The following RAP1GAP2 variants were observed in gnomAD, a reference collection of about 807,000 sequenced individuals.
RAP1GAP2 encodes RAP1 GTPase activating protein 2.
Under a neutral mutation model 95.0 loss-of-function variants are expected in RAP1GAP2, and 27 were observed. The ratio of observed to expected loss-of-function variants is 0.28; its 90% CI spans 0.21 to 0.39. RAP1GAP2 has a LOEUF of 0.39. Ranked by LOEUF, RAP1GAP2 falls within the 10% of genes least tolerant of loss-of-function variation. RAP1GAP2 has a pLI of 1.00. For missense variants in RAP1GAP2, 771 were observed against 970.0 expected (o/e 0.79, Z 2.72); for synonymous variants, 373 against 380.9 (o/e 0.98, Z 0.24).
chr17:2,905,225 G>A, intron 2 of RAP1GAP2, 59 bp from the exon 3 acceptor site: 1 of 1,498,822 alleles, frequency 6.7e-7, no homozygotes, highest in Non-Finnish European at 9.3e-7. Context: ...AGTCACTCTT[G>A]GAGGAGAGAA....
rs1555545938 is a variant in RAP1GAP2 at position 2,810,018 on chromosome 17, CCT to C, written c.80+9470_80+9471del. 2.2e-4 allele frequency among the ~76,000 whole-genome samples: 7 copies of C among 31,762 alleles called. 1 individual carries two copies. The highest frequency in any genetic ancestry group is 1.2e-3 in the African/African-American group (5 of 4,322). The allele number at this position is 31,762 out of a possible 152,430, so 20.8% of individuals were successfully genotyped here. On this transcript the variant is annotated intron_variant, in intron 2 of 24. Transcript: ENST00000254695. The stretch of plus-strand genomic sequence containing the variant: ...TGGCCCCTCTGGCTTGTGCTGGGAC[CCT>C]CCCCTCCCCCCGCCCCACCCCAGGA...
chr17:2,965,277 G>A lies in RAP1GAP2; in HGVS notation c.493-263G>A, dbSNP rs907396761. 4.1e-6 allele frequency: 2 copies of A among 489,576 alleles called. No homozygotes were observed. The highest frequency in any genetic ancestry group is 3.9e-5 in the African/African-American group (2 of 51,692). 30.3% of individuals were successfully genotyped at this position (489,576 alleles called of 1,614,324 possible). A position where few individuals can be genotyped will look rare whatever the true frequency, so the allele number is the denominator to read the frequency against. ...CCCCCGACCATTGGTTTTCCCATCT[G>A]TGAAATGGGGATGATGTTCTCTCCC... On this transcript the variant is annotated intron_variant, in intron 7 of 24. Coordinates refer to ENST00000254695, the MANE Select transcript of RAP1GAP2 (RefSeq NM_015085.5). This position sits in a 1 kb window ranked among gnomAD's most constrained non-coding sequence, Gnocchi z 4.7.
chr17:3,006,583 G>T (rs571451622), intron 16 of RAP1GAP2, among the ~76,000 whole-genome samples: 2 of 151,734 alleles, frequency 1.3e-5, no homozygotes, highest in Non-Finnish European at 2.9e-5. Context: ...ACAGGCGCCC[G>T]CCACCACGCC....
rs1174208640 is a variant in RAP1GAP2, at chr17:2,800,535, C to T, written c.65C>T (p.Ala22Val). The T allele has an allele frequency of 1.2e-5, 20 of 1,612,816 alleles. No individual in the cohort carries two copies. The highest frequency in any genetic ancestry group is 1.6e-5 in the Non-Finnish European group (19 of 1,179,480). Residue 22 changes from alanine (A) to valine (V), a missense_variant, in exon 2 of 25, where the codon GCA (alanine) becomes GTA (valine). Transcript: ENST00000254695. ...GFGWIDKTMLASLKVKKQELA... is the reference protein window; with the variant it reads ...GFGWIDKTMLVSLKVKKQELA... The stretch of plus-strand genomic sequence containing the variant: ...GGCAGGATCGACAAGACCATGCTGG[C>T]AAGTCTGAAGGTCAAGTAAGTAGCA...
chr17:2,816,982 CTTTT>C (rs148255771), intron 2 of RAP1GAP2, among the ~76,000 whole-genome samples: 2 of 48,666 alleles, frequency 4.1e-5, no homozygotes, highest in African/African-American at 1.5e-4. Context: ...TCAGAATTTC[CTTTT>C]TTTTTTTTTT....
At chr17:2,773,253 G>A (rs1325504794), upstream of RAP1GAP2, among the ~76,000 whole-genome samples, 1 of 152,160 alleles carries the variant, frequency 6.6e-6, no homozygotes, top group East Asian at 1.9e-4. Context: ...TGGGCACTTA[G>A]ACAAGGAAGA....
At chr17:2,910,198 G>A (rs1489087385) in intron 3 of RAP1GAP2, among the ~76,000 whole-genome samples, 1 of 152,178 alleles carries the variant, frequency 6.6e-6, no homozygotes, top group East Asian at 1.9e-4. Flanking sequence ...GGGCCCCCAG[G>A]CCCTGGCTTA....
chr17:2,955,872 T>A (rs2044087816), intron 3 of RAP1GAP2, among the ~76,000 whole-genome samples: 1 of 152,348 alleles, frequency 6.6e-6, no homozygotes, highest in South Asian at 2.1e-4. Flanking sequence ...TTAACCAATT[T>A]TCTGCAGACT....
chr17:2,921,101 G>T (rs939488263), intron 3 of RAP1GAP2, among the ~76,000 whole-genome samples: 1 of 152,174 alleles, frequency 6.6e-6, no homozygotes, highest in Non-Finnish European at 1.5e-5. Context: ...TGGAGCTGGA[G>T]TTTCAGGCCT....
chr17:2,832,003 A>T (rs910885723), intron 2 of RAP1GAP2, among the ~76,000 whole-genome samples: 9 of 151,564 alleles, frequency 5.9e-5, no homozygotes, highest in Admixed American at 1.3e-4. Context: ...TAGGAGTTCG[A>T]GACCAGCCTG....
intron 2 of RAP1GAP2, among the ~76,000 whole-genome samples, chr17:2,818,842 T>A (rs1339039758): frequency 6.6e-6 from 1 of 152,086 alleles, no homozygotes; most frequent in Non-Finnish European, 1.5e-5. Flanking sequence ...GCCTCCCTTT[T>A]CTAATCTTTG....
At chr17:2,954,447 G>A (rs548766058) in intron 3 of RAP1GAP2, among the ~76,000 whole-genome samples, 1 of 152,066 alleles carries the variant, frequency 6.6e-6, no homozygotes, top group African/African-American at 2.4e-5. Context: ...CCATTCTCTT[G>A]TGTAGGTGTC....
upstream of RAP1GAP2, among the ~76,000 whole-genome samples, chr17:2,773,460 G>T (rs573828823): frequency 3.3e-3 from 495 of 152,290 alleles, 4 homozygotes; most frequent in Non-Finnish European, 5.0e-3. Context: ...CACATGGGCA[G>T]GGGGATGGGA....
chr17:2,796,291 C>G (rs573614399), upstream of RAP1GAP2: 2 of 548,022 alleles, frequency 3.6e-6, no homozygotes, highest in Non-Finnish European at 6.6e-6. This position sits in a 1 kb window ranked among gnomAD's most constrained non-coding sequence, Gnocchi z 4.7. Context: ...TGTGGGGAAG[C>G]TGCCCTCCAC....
At chr17:2,924,334 A>G (rs2042885886) in intron 3 of RAP1GAP2, among the ~76,000 whole-genome samples, 2 of 152,318 alleles carry the variant, frequency 1.3e-5, no homozygotes, top group Admixed American at 1.3e-4. Context: ...GGAATCAAGC[A>G]GAGCCCATCC....
chr17:2,850,221 C>T (rs111925541), intron 2 of RAP1GAP2, among the ~76,000 whole-genome samples: 7,025 of 150,242 alleles, frequency 0.047, 535 homozygotes, highest in African/African-American at 0.16. Context: ...AGGATGGTCT[C>T]GATCTCCTGA....
chr17:2,926,343 T>A (rs2042955305), intron 3 of RAP1GAP2, among the ~76,000 whole-genome samples: 1 of 152,200 alleles, frequency 6.6e-6, no homozygotes, highest in Non-Finnish European at 1.5e-5. Flanking sequence ...GGCAGCTTTC[T>A]CCTTGCTGTG....
chr17:2,974,936 A>G (rs1199933397), intron 8 of RAP1GAP2, among the ~76,000 whole-genome samples: 1 of 152,228 alleles, frequency 6.6e-6, no homozygotes, highest in Admixed American at 6.5e-5. Flanking sequence ...GATGGTTTAG[A>G]AATAATTTCA....
intron 2 of RAP1GAP2, among the ~76,000 whole-genome samples, chr17:2,820,492 G>A (rs897011611): frequency 6.6e-6 from 1 of 151,910 alleles, no homozygotes; most frequent in Non-Finnish European, 1.5e-5. Context: ...GTGGTGGCGG[G>A]TGCCTGTAAT....
Sources: gnomAD v4.1 joint callset for allele counts (sites outside exome capture counted in the v4.1 genomes callset) on GRCh38, gnomAD v4.1.1 for gene constraint, Gnocchi (gnomAD v3.1) non-coding constraint, MANE v1.5 for transcripts, NCBI Gene and HGNC (gene_info 2026-07-23, HGNC 2026-07-21) for gene names.